LCORL: variants seen among roughly 807,000 people sequenced by gnomAD.
LCORL encodes ligand dependent nuclear receptor corepressor like.
A neutral mutation model predicts 141.8 loss-of-function variants in LCORL; 41 were observed. The observed-to-expected ratio is 0.29, with a 90% CI of 0.23 to 0.38. LCORL has a LOEUF of 0.38. Among genes scored for constraint, LCORL ranks in the 10% least tolerant of loss-of-function variants. The pLI is 1.00. For synonymous variants in LCORL, 618 were observed against 694.1 expected (o/e 0.89, Z 1.72); for missense variants, 1,759 against 2,035.0 (o/e 0.86, Z 2.61).
At chr4:18,001,299 T>A (rs1383672871) in intron 1 of LCORL, among the ~76,000 whole-genome samples, 1 of 147,236 alleles carries the variant, frequency 6.8e-6, no homozygotes, top group Non-Finnish European at 1.5e-5. Flanking sequence ...TATTAATAGA[T>A]AGTCAATAAA....
At chr4:17,999,852 CA>C (rs1560465757) in intron 1 of LCORL, among the ~76,000 whole-genome samples, 6 of 152,294 alleles carry the variant, frequency 3.9e-5, no homozygotes, top group African/African-American at 1.4e-4. Context: ...CAATTTTCAA[CA>C]CTCAAGACTA....
At chr4:17,934,875 A>T (rs1384780147) in intron 4 of LCORL, among the ~76,000 whole-genome samples, 3 of 152,168 alleles carry the variant, frequency 2.0e-5, no homozygotes, top group Admixed American at 2.0e-4. Context: ...AGGTATTTTA[A>T]AATATATTTT....
intron 4 of LCORL, among the ~76,000 whole-genome samples, chr4:17,916,631 C>A (rs1374595290): frequency 6.6e-6 from 1 of 150,982 alleles, no homozygotes; most frequent in Non-Finnish European, 1.5e-5. Context: ...AAAGCATGAG[C>A]CAATTAAATG....
Position 17,897,213 on chromosome 4 carries a change from C to CCTTTTTTTTTTTTTTTTTTTTTT in LCORL, c.683-11053_683-11052insAAAAAAAAAAAAAAAAAAAAAAG, listed in dbSNP as rs1553863446. On this transcript the variant is annotated intron_variant, in intron 5 of 7. Transcript: ENST00000635767. ...AGACTTCTCTTTGATATACTGATTT[C>CCTTTTTTTTTTTTTTTTTTTTTT]TTTTTTTTTTTTTTTTTTTTTTTTT... Among the ~76,000 whole-genome samples, 44 of 63,986 alleles carry CCTTTTTTTTTTTTTTTTTTTTTT rather than the reference C, an allele frequency of 6.9e-4. 21 individuals carry two copies. Among genetic ancestry groups the CCTTTTTTTTTTTTTTTTTTTTTT allele is most frequent in the Admixed American group, 1.7e-3 (7 of 4,014 alleles). 42.0% of individuals were successfully genotyped at this position (63,986 alleles called of 152,430 possible). A position where few individuals can be genotyped will look rare whatever the true frequency, so the allele number is the denominator to read the frequency against.
At chr4:17,981,226 T>C (rs1021225865) in intron 1 of LCORL, among the ~76,000 whole-genome samples, 1 of 152,186 alleles carries the variant, frequency 6.6e-6, no homozygotes, top group African/African-American at 2.4e-5. Flanking sequence ...AATCTTTAAG[T>C]GGGATTACTT....
At chr4:17,995,381 T>C (rs887282140) in intron 1 of LCORL, among the ~76,000 whole-genome samples, 1 of 152,094 alleles carries the variant, frequency 6.6e-6, no homozygotes, top group African/African-American at 2.4e-5. Flanking sequence ...TGGCATCTTG[T>C]GGGAAGAGGC....
intron 7 of LCORL, among the ~76,000 whole-genome samples, chr4:17,847,159 G>A (rs548444782): frequency 6.6e-6 from 1 of 152,332 alleles, no homozygotes; most frequent in Admixed American, 6.5e-5. Context: ...ATATTCAGAT[G>A]TGAATCCTTA....
At chr4:17,994,947 A>C (rs942929691) in intron 1 of LCORL, among the ~76,000 whole-genome samples, 1 of 87,970 alleles carries the variant, frequency 1.1e-5, no homozygotes, top group Non-Finnish European at 2.1e-5. Context: ...TGTTTGAGGG[A>C]AAATGTCACT....
rs578024005 is a variant in LCORL at position 17,894,320 on chromosome 4, A to T, written c.683-8159T>A. ...CTTTGCTTCAAAAAATTTCTTGTAT[A>T]ATAATTCTGATAAACTTGGAATTGG... is the stretch of plus-strand genomic sequence containing the variant. On this transcript the variant is annotated intron_variant, in intron 5 of 7. Coordinates refer to ENST00000635767, the Ensembl canonical transcript of LCORL. Among the ~76,000 whole-genome samples, 4 of 152,314 alleles carry T rather than the reference A, an allele frequency of 2.6e-5. No homozygotes were observed. In the East Asian group the frequency reaches 7.7e-4, roughly 29 times the overall value.
chr4:17,974,258 T>C (rs1009301344), intron 1 of LCORL, among the ~76,000 whole-genome samples: 2 of 152,124 alleles, frequency 1.3e-5, no homozygotes, highest in African/African-American at 4.8e-5. Flanking sequence ...CATTATAGTC[T>C]TCATGCTACT....
chr4:17,937,572 A>C, intron 4 of LCORL, among the ~76,000 whole-genome samples: 1 of 152,222 alleles, frequency 6.6e-6, no homozygotes, highest in East Asian at 1.9e-4. Context: ...GAAGGGAATA[A>C]ATGAAAAACC....
chr4:17,935,180 C>T (rs375049643), intron 4 of LCORL, among the ~76,000 whole-genome samples: 1 of 152,302 alleles, frequency 6.6e-6, no homozygotes, highest in African/African-American at 2.4e-5. Flanking sequence ...GGAGAGAAGA[C>T]TAAAATGTGT....
intron 4 of LCORL, chr4:17,912,036 G>A (rs1732635409): frequency 1.5e-6 from 1 of 664,008 alleles, no homozygotes. Flanking sequence ...CCAAAATCTG[G>A]GGGCACCTGG....
At chr4:17,874,776 A>G in exon 7 of LCORL, 1 of 1,233,828 alleles carries the variant, frequency 8.1e-7, no homozygotes, top group Admixed American at 4.2e-5. Context: ...AATAGGTACT[A>G]ATTTATTATC....
At chr4:17,998,651 T>C (rs1721291533) in intron 1 of LCORL, among the ~76,000 whole-genome samples, 1 of 152,030 alleles carries the variant, frequency 6.6e-6, no homozygotes. Context: ...GACTTTTTTT[T>C]CTAAATTAAA....
intron 1 of LCORL, among the ~76,000 whole-genome samples, chr4:18,005,799 C>G (rs1260336763): frequency 1.3e-5 from 2 of 152,106 alleles, no homozygotes; most frequent in Admixed American, 6.5e-5. Flanking sequence ...CTGCACAGAG[C>G]ACAGAGACCA....
rs571187064 is a variant in LCORL at position 17,864,134 on chromosome 4, CA to C, written c.5602+9253del. ...TGTACCCCTGAACCAAAAATAAAGA[CA>C]AAAAAAAATTTTTGGCTACCCATGA... On this transcript the variant is annotated intron_variant, in intron 7 of 7. Transcript: ENST00000635767. Among the ~76,000 whole-genome samples the C allele has an allele frequency of 4.0e-3, 612 of 151,400 alleles. 4 individuals are homozygous for C. The highest frequency in any genetic ancestry group is 7.1e-3 in the South Asian group (34 of 4,768).
At chr4:17,972,262 AG>A (rs1416497323) in intron 2 of LCORL, among the ~76,000 whole-genome samples, 3 of 151,870 alleles carry the variant, frequency 2.0e-5, no homozygotes, top group Admixed American at 2.0e-4. Context: ...CTAGCTCTTC[AG>A]ATATTAGAAA....
intron 6 of LCORL, among the ~76,000 whole-genome samples, chr4:17,885,854 A>C (rs1728198866): frequency 6.6e-6 from 1 of 151,880 alleles, no homozygotes; most frequent in Admixed American, 6.6e-5. Flanking sequence ...ACATGAACTA[A>C]AGTTTGGTGA....
Sources: gnomAD v4.1 joint callset for allele counts (sites outside exome capture counted in the v4.1 genomes callset) on GRCh38, gnomAD v4.1.1 for gene constraint, MANE v1.5 for transcripts, NCBI Gene and HGNC (gene_info 2026-07-23, HGNC 2026-07-21) for gene names.